NXPE4: variants seen among roughly 807,000 people sequenced by gnomAD.
The protein encoded by NXPE4 is NXPE family member 4.
In NXPE4, 42 loss-of-function variants were observed where a neutral mutation model predicts 33.3. That is an observed-to-expected ratio of 1.26 (90% CI 0.98 to 1.63). The LOEUF is 1.63. NXPE4 is among the 40% of genes most tolerant of loss of function. The pLI is 0.00. For synonymous variants in NXPE4, 253 were observed against 234.9 expected (o/e 1.08, Z -0.71); for missense variants, 709 against 647.6 (o/e 1.09, Z -1.03).
At chr11:114,635,543 A>C in the NXPE4 span, among the ~76,000 whole-genome samples, 1 of 152,008 alleles carries the variant, frequency 6.6e-6, no homozygotes, top group African/African-American at 2.4e-5. Flanking sequence ...GTCTTGTGCC[A>C]GTTTTCAAAG....
the NXPE4 span, among the ~76,000 whole-genome samples, chr11:114,611,778 C>T: frequency 0.01 from 1,551 of 151,896 alleles, 21 homozygotes; most frequent in African/African-American, 0.035. Context: ...ACCACTGTTA[C>T]CCGGTGGATA....
At chr11:114,637,531 G>C in the NXPE4 span, among the ~76,000 whole-genome samples, 2 of 150,716 alleles carry the variant, frequency 1.3e-5, no homozygotes, top group African/African-American at 2.4e-5. Context: ...TATTTTGCTC[G>C]TTAGTTGATA....
chr11:114,620,586 G>T, the NXPE4 span, among the ~76,000 whole-genome samples: 4 of 152,146 alleles, frequency 2.6e-5, no homozygotes, highest in East Asian at 7.7e-4. Flanking sequence ...AATAAGTGTT[G>T]CCTCTAGGGT....
chr11:114,626,086 G>A, the NXPE4 span, among the ~76,000 whole-genome samples: 1 of 152,198 alleles, frequency 6.6e-6, no homozygotes, highest in Non-Finnish European at 1.5e-5. Flanking sequence ...CAAGGCGGCA[G>A]CGAGGCTGGG....
chr11:114,593,351 TA>T (rs1949505726), intron 2 of NXPE4, among the ~76,000 whole-genome samples: 1 of 151,974 alleles, frequency 6.6e-6, no homozygotes, highest in Admixed American at 6.6e-5. Flanking sequence ...ACAATCCAAT[TA>T]AAAATTGGGC....
intron 5 of NXPE4, among the ~76,000 whole-genome samples, chr11:114,576,935 C>T (rs1324011004): frequency 6.8e-6 from 1 of 147,368 alleles, no homozygotes; most frequent in Non-Finnish European, 1.5e-5. Context: ...AAGGAACCAG[C>T]CCAAATGCCC....
the NXPE4 span, among the ~76,000 whole-genome samples, chr11:114,654,071 G>A: frequency 6.6e-6 from 1 of 152,142 alleles, no homozygotes; most frequent in South Asian, 2.1e-4. Context: ...GATACAAAGT[G>A]GTGAAGGTAT....
the NXPE4 span, among the ~76,000 whole-genome samples, chr11:114,667,361 A>G: frequency 6.6e-6 from 1 of 152,178 alleles, no homozygotes; most frequent in Non-Finnish European, 1.5e-5. Flanking sequence ...GTCAATTTGA[A>G]GCTTAATTCT....
the NXPE4 span, among the ~76,000 whole-genome samples, chr11:114,603,459 GGAT>G: frequency 6.6e-6 from 1 of 151,320 alleles, no homozygotes; most frequent in Admixed American, 6.6e-5. Context: ...ATTACCTGGT[GGAT>G]GATAAGTATT....
In NXPE4 at chr11:114,580,247, G is replaced by T; in HGVS notation, c.984C>A (p.Val328=). ...GHVWRNTWNP[V]SCSLATVKMK... is the part of the protein sequence containing the mutation. ...TTTTGACTGTAGCCAAACTACAGGAGACAGGATTCCATGTGTTTCTCCAGA... is the reference window on the plus strand; with the variant it reads ...TTTTGACTGTAGCCAAACTACAGGATACAGGATTCCATGTGTTTCTCCAGA... Residue 328 remains valine (V), a synonymous_variant, in exon 5 of 6, where the codon GTC becomes GTA. Transcript: ENST00000375478. 1 of 1,613,918 alleles carries T rather than the reference G, an allele frequency of 6.2e-7. No individual in the cohort carries two copies. The highest frequency in any genetic ancestry group is 2.2e-5 in the East Asian group (1 of 44,858).
chr11:114,646,387 T>C, the NXPE4 span, among the ~76,000 whole-genome samples: 1 of 152,058 alleles, frequency 6.6e-6, no homozygotes, highest in African/African-American at 2.4e-5. Flanking sequence ...ATTTTTATCC[T>C]TAAGTCCTTA....
chr11:114,612,573 C>T, the NXPE4 span, among the ~76,000 whole-genome samples: 2 of 151,976 alleles, frequency 1.3e-5, no homozygotes, highest in Non-Finnish European at 2.9e-5. Context: ...ACCACTGTTA[C>T]CCAATGGATA....
chr11:114,582,891 A>G lies in NXPE4; in HGVS notation c.227T>C (p.Ile76Thr), dbSNP rs1306830450. The G allele has an allele frequency of 2.5e-6, 4 of 1,613,988 alleles. No individual in the cohort carries two copies. Among genetic ancestry groups the G allele is most frequent in the Non-Finnish European group, 3.4e-6 (4 of 1,180,012 alleles). The change falls in exon 3 of 6, where the codon ATA becomes ACA. Residue 76 changes from isoleucine (I) to threonine (T), a missense_variant. Transcript: ENST00000375478. ...TGGGATCTGCTGATCTAGTTTCTCT[A>G]TGATTTCCTTTATTCTGAGTTCAGT... is the stretch of plus-strand genomic sequence containing the variant. ...TETELRIKEI[I>T]EKLDQQIPPR...
At chr11:114,633,975 C>A in the NXPE4 span, among the ~76,000 whole-genome samples, 1 of 151,952 alleles carries the variant, frequency 6.6e-6, no homozygotes, top group African/African-American at 2.4e-5. Flanking sequence ...TGGGTATATA[C>A]CCAGTAATGG....
At chr11:114,640,040 T>G in the NXPE4 span, among the ~76,000 whole-genome samples, 4 of 119,068 alleles carry the variant, frequency 3.4e-5, no homozygotes, top group East Asian at 9.9e-4. Flanking sequence ...ATAATTATAT[T>G]ATTTTATAAT....
the NXPE4 span, among the ~76,000 whole-genome samples, chr11:114,633,003 ATATATAT>A: frequency 9.5e-6 from 1 of 105,144 alleles, no homozygotes; most frequent in South Asian, 2.6e-4. Flanking sequence ...ATATATAATA[ATATATAT>A]TATATAATAT....
intron 4 of NXPE4, among the ~76,000 whole-genome samples, chr11:114,580,958 G>T (rs1224407809): frequency 6.6e-6 from 1 of 152,154 alleles, no homozygotes; most frequent in African/African-American, 2.4e-5. Context: ...TGGCAGGTTT[G>T]ATTATTAATC....
chr11:114,639,272 A>G, the NXPE4 span, among the ~76,000 whole-genome samples: 2 of 152,216 alleles, frequency 1.3e-5, no homozygotes, highest in Middle Eastern at 3.4e-3. Context: ...CCTCCGAGCC[A>G]GGTGCAGGAT....
At chr11:114,633,175 T>G in the NXPE4 span, among the ~76,000 whole-genome samples, 2 of 129,468 alleles carry the variant, frequency 1.5e-5, no homozygotes, top group Admixed American at 8.4e-5. Context: ...TTATATAATT[T>G]ATATGATTAT....
Sources: allele counts gnomAD v4.1 joint callset (sites outside exome capture counted in the v4.1 genomes callset), GRCh38; gene constraint gnomAD v4.1.1; transcripts MANE v1.5; gene names NCBI Gene and HGNC (gene_info 2026-07-23, HGNC 2026-07-21).